The following ZEB1 variants were observed in gnomAD, a reference collection of about 807,000 sequenced individuals.
The protein encoded by ZEB1 is zinc finger E-box binding homeobox 1, also known as zinc finger E-box-binding homeobox 1.
ZEB1 carries 21 observed loss-of-function variants against 84.9 expected under a neutral mutation model. The observed-to-expected ratio is 0.25, with a 90% CI of 0.18 to 0.36. The LOEUF is 0.36. Ranked by LOEUF, ZEB1 falls within the 10% of genes least tolerant of loss-of-function variation. ZEB1 has a pLI of 1.00. For missense variants in ZEB1, 1,104 were observed against 1,330.2 expected (o/e 0.83, Z 2.65); for synonymous variants, 420 against 471.1 (o/e 0.89, Z 1.41).
chr10:31,360,053 C>T (rs543410115), intron 1 of ZEB1, among the ~76,000 whole-genome samples: 6 of 152,126 alleles, frequency 3.9e-5, no homozygotes, highest in African/African-American at 1.4e-4. Flanking sequence ...AGAAGGGTGT[C>T]TGTGAATAAA....
At chr10:31,372,133 CA>C (rs1285294719) in intron 1 of ZEB1, among the ~76,000 whole-genome samples, 4 of 152,092 alleles carry the variant, frequency 2.6e-5, no homozygotes, top group African/African-American at 9.6e-5. Context: ...CTTAATTTTG[CA>C]CCTTTTATAG....
rs35031058 is a variant in ZEB1 at position 31,429,733 on chromosome 10, C to CTTTTTTTTT, written c.59-31285_59-31277dup. Among the ~76,000 whole-genome samples, 26 of 79,550 alleles carry CTTTTTTTTT rather than the reference C, an allele frequency of 3.3e-4. 5 individuals are homozygous for CTTTTTTTTT. The highest frequency in any genetic ancestry group is 1.7e-3 in the African/African-American group (25 of 14,902). 52.2% of individuals were successfully genotyped at this position (79,550 alleles called of 152,430 possible). ...CTGTTGTGAATACTTACAGGCAGAACTTTTTTTTTTTTTTTTTTTTTTTTT... is the reference window on the plus strand; with the variant it reads ...CTGTTGTGAATACTTACAGGCAGAACTTTTTTTTTTTTTTTTTTTTTTTTTTTTTTTTTT... On this transcript the variant is annotated intron_variant, in intron 1 of 8. Transcript: ENST00000424869.
chr10:31,373,443 TTTGTAGTTTTA>T (rs1383049734), intron 1 of ZEB1, among the ~76,000 whole-genome samples: 1 of 151,752 alleles, frequency 6.6e-6, no homozygotes, highest in Non-Finnish European at 1.5e-5. Context: ...AAATTCAATT[TTTGTAGTTTTA>T]TTGTAGTTAT....
chr10:31,493,549 A>T (rs1216965029), intron 2 of ZEB1, among the ~76,000 whole-genome samples: 1 of 151,996 alleles, frequency 6.6e-6, no homozygotes, highest in Non-Finnish European at 1.5e-5. Flanking sequence ...AGTAGATTTT[A>T]TTACTTTACT....
chr10:31,412,063 A>G (rs161247), intron 1 of ZEB1, among the ~76,000 whole-genome samples: 11,886 of 152,234 alleles, frequency 0.078, 655 homozygotes, highest in African/African-American at 0.16. Flanking sequence ...AAAAGGATGC[A>G]GAGAAATATT....
At chr10:31,483,819 T>G (rs547845678) in intron 2 of ZEB1, among the ~76,000 whole-genome samples, 2 of 152,128 alleles carry the variant, frequency 1.3e-5, no homozygotes, top group African/African-American at 4.8e-5. Flanking sequence ...CACTTACGAT[T>G]TAAACAACAC....
chr10:31,390,792 A>T (rs925133871), intron 1 of ZEB1, among the ~76,000 whole-genome samples: 1 of 152,228 alleles, frequency 6.6e-6, no homozygotes, highest in Non-Finnish European at 1.5e-5. Context: ...GGTGTTGACC[A>T]TTGGATCCTG....
At chr10:31,517,442 G>A (rs1371300318) in intron 6 of ZEB1, among the ~76,000 whole-genome samples, 3 of 150,984 alleles carry the variant, frequency 2.0e-5, no homozygotes, top group African/African-American at 7.3e-5. Flanking sequence ...CATGGTCTTA[G>A]TAATTTTTGC....
chr10:31,474,060 C>G lies in ZEB1; in HGVS notation c.259+12823C>G, dbSNP rs186284282. ...CTTACACCTTATACAAAAATCAATT[C>G]AAGATGGATTAAAGATTTAAATGTT... is the stretch of plus-strand genomic sequence containing the variant. On this transcript the variant is annotated intron_variant, in intron 2 of 8. Transcript: ENST00000424869. Among the ~76,000 whole-genome samples the G allele has an allele frequency of 1.9e-3, 293 of 152,268 alleles. 6 individuals are homozygous for G. The highest frequency in any genetic ancestry group is 0.017 in the Admixed American group (254 of 15,294).
chr10:31,319,190 A>AG, upstream of ZEB1: 1 of 977,166 alleles, frequency 1.0e-6, no homozygotes. Flanking sequence ...AGGGGGAGGG[A>AG]GGGGGAGGAG....
intron 1 of ZEB1, among the ~76,000 whole-genome samples, chr10:31,353,178 G>A (rs958407455): frequency 2.0e-5 from 3 of 152,128 alleles, no homozygotes; most frequent in Non-Finnish European, 2.9e-5. Context: ...AGTACACAGC[G>A]TAGTGCTGGA....
chr10:31,502,322 G>A, intron 3 of ZEB1, 26 bp from the exon 4 acceptor site: 1 of 1,612,254 alleles, frequency 6.2e-7, no homozygotes, highest in South Asian at 1.1e-5. Flanking sequence ...TGAGATTGCT[G>A]TCTTAAAAGT....
At chr10:31,462,356 A>C (rs1225013789) in intron 2 of ZEB1, among the ~76,000 whole-genome samples, 1 of 152,202 alleles carries the variant, frequency 6.6e-6, no homozygotes, top group African/African-American at 2.4e-5. Context: ...GCAACTGTGG[A>C]TAAGACTCTC....
At chr10:31,500,741 A>G (rs370511401) in intron 3 of ZEB1, among the ~76,000 whole-genome samples, 3 of 152,164 alleles carry the variant, frequency 2.0e-5, no homozygotes, top group East Asian at 3.9e-4. Flanking sequence ...AAAGGAGAGC[A>G]GGGAGAAGAA....
chr10:31,386,103 T>A (rs1590689127), intron 1 of ZEB1, among the ~76,000 whole-genome samples: 1 of 152,152 alleles, frequency 6.6e-6, no homozygotes, highest in Middle Eastern at 3.5e-3. Context: ...TATATCGATC[T>A]ACTCTCTATG....
chr10:31,441,393 T>A (rs758205435), intron 1 of ZEB1, among the ~76,000 whole-genome samples: 2 of 152,170 alleles, frequency 1.3e-5, no homozygotes, highest in African/African-American at 2.4e-5. Context: ...TTACACCTGA[T>A]ACAAAAATTA....
At chr10:31,410,589 C>T (rs1469483559) in intron 1 of ZEB1, among the ~76,000 whole-genome samples, 4 of 152,104 alleles carry the variant, frequency 2.6e-5, no homozygotes, top group Non-Finnish European at 5.9e-5. Flanking sequence ...GTAGCAGCTC[C>T]TTTTTGTACC....
intron 1 of ZEB1, among the ~76,000 whole-genome samples, chr10:31,437,698 T>C (rs1200385318): frequency 1.3e-5 from 2 of 152,174 alleles, no homozygotes; most frequent in African/African-American, 2.4e-5. Context: ...CCCATGGAAG[T>C]AAGGGAGGAT....
intron 2 of ZEB1, among the ~76,000 whole-genome samples, chr10:31,474,885 A>G (rs988615184): frequency 6.6e-6 from 1 of 152,176 alleles, no homozygotes; most frequent in Non-Finnish European, 1.5e-5. Context: ...GCAGCCATAA[A>G]AAAGGATGAG....
Sources: allele counts gnomAD v4.1 joint callset (sites outside exome capture counted in the v4.1 genomes callset), GRCh38; gene constraint gnomAD v4.1.1; transcripts MANE v1.5; gene names NCBI Gene and HGNC (gene_info 2026-07-23, HGNC 2026-07-21).